LRRC4C: variants seen among roughly 807,000 people sequenced by gnomAD.
The protein encoded by LRRC4C is leucine rich repeat containing 4C, also known as leucine-rich repeat-containing protein 4C.
A neutral mutation model predicts 33.6 loss-of-function variants in LRRC4C; 5 were observed. The observed-to-expected ratio is 0.15, with a 90% CI of 0.08 to 0.31. LRRC4C has a LOEUF of 0.31. LRRC4C is among the 10% of genes least tolerant of loss of function. The pLI, the probability that LRRC4C is intolerant of heterozygous loss-of-function variation, is 1.00. For missense variants in LRRC4C, 560 were observed against 796.7 expected, an observed-to-expected ratio of 0.70 and a Z score of 3.58; for synonymous variants, 329 against 302.0, an observed-to-expected ratio of 1.09 and a Z score of -0.93.
intron 5 of LRRC4C, among the ~76,000 whole-genome samples, chr11:40,193,057 G>A (rs1213572496): frequency 6.6e-6 from 1 of 152,166 alleles, no homozygotes; most frequent in Non-Finnish European, 1.5e-5. Flanking sequence ...CCGTATGCTG[G>A]CTCTGAAGAG....
intron 5 of LRRC4C, among the ~76,000 whole-genome samples, chr11:40,171,819 C>G (rs4373904): frequency 0.38 from 57,622 of 151,994 alleles, 12,033 homozygotes; most frequent in Non-Finnish European, 0.48. Flanking sequence ...AATTATCTTT[C>G]CGTACCACCA....
intron 1 of LRRC4C, among the ~76,000 whole-genome samples, chr11:41,002,312 G>A (rs1479083591): frequency 3.3e-5 from 5 of 152,068 alleles, no homozygotes; most frequent in Non-Finnish European, 7.4e-5. Context: ...TAAACTTAAG[G>A]CCATTGTGTT....
chr11:40,161,404 G>C (rs372894828), intron 5 of LRRC4C, among the ~76,000 whole-genome samples: 1 of 152,166 alleles, frequency 6.6e-6, no homozygotes, highest in Non-Finnish European at 1.5e-5. Flanking sequence ...TATTTTTAAA[G>C]TATCTGGTAT....
In LRRC4C at chr11:40,729,782, C is replaced by T. The variant is rs74594057; in HGVS notation, c.-406-81504G>A. 1.8e-3 allele frequency among the ~76,000 whole-genome samples: 279 copies of T among 152,118 alleles called. 2 individuals carry two copies. The highest frequency in any genetic ancestry group is 6.5e-3 in the African/African-American group (268 of 41,520). On this transcript the variant is annotated intron_variant, in intron 2 of 6. Transcript: ENST00000528697. ...ACACGATCATTCATAGTAGATAAAC[C>T]TATGTTTTTTATAATGGTAGAATCA...
In LRRC4C at chr11:41,272,891, C is replaced by A. The variant is rs533359653; in HGVS notation, c.-496+186540G>T. Among the ~76,000 whole-genome samples, 3 of 152,200 alleles carry A rather than the reference C, an allele frequency of 2.0e-5. No homozygotes were observed. In the South Asian group the frequency reaches 6.2e-4, roughly 32 times the overall value. ...ATTTAATTCTCAAGAATATCTGTGA[C>A]CAGCTGCATGAAGCAATTAAGAGTC... is the stretch of plus-strand genomic sequence containing the variant. On this transcript the variant is annotated intron_variant, in intron 1 of 6. Coordinates refer to ENST00000528697, the MANE Select transcript of LRRC4C (RefSeq NM_001258419.2).
intron 5 of LRRC4C, among the ~76,000 whole-genome samples, chr11:40,224,290 A>G (rs1451701943): frequency 6.6e-6 from 1 of 152,186 alleles, no homozygotes; most frequent in Non-Finnish European, 1.5e-5. Flanking sequence ...CCTAGCATTT[A>G]TATCTTTTAT....
At chr11:40,596,561 A>T (rs1959326755) in intron 3 of LRRC4C, among the ~76,000 whole-genome samples, 2 of 152,048 alleles carry the variant, frequency 1.3e-5, no homozygotes, top group South Asian at 4.2e-4. Context: ...ATTCTACCTA[A>T]GCATATTTTT....
intron 1 of LRRC4C, among the ~76,000 whole-genome samples, chr11:41,094,637 T>C (rs554001778): frequency 6.6e-6 from 1 of 152,354 alleles, no homozygotes; most frequent in Admixed American, 6.5e-5. Flanking sequence ...TTCTTCATAA[T>C]ACTCACTGTT....
intron 1 of LRRC4C, among the ~76,000 whole-genome samples, chr11:41,057,036 G>A (rs1360037332): frequency 6.6e-6 from 1 of 152,206 alleles, no homozygotes; most frequent in Non-Finnish European, 1.5e-5. Flanking sequence ...AGAGCAGGCA[G>A]GAGCCCCACC....
intron 3 of LRRC4C, among the ~76,000 whole-genome samples, chr11:40,522,851 C>T (rs1046451674): frequency 2.6e-5 from 4 of 152,126 alleles, no homozygotes; most frequent in Non-Finnish European, 4.4e-5. Context: ...TCTTCAAGTT[C>T]CATCATGTTA....
chr11:41,370,465 C>T (rs1448108472), intron 1 of LRRC4C, among the ~76,000 whole-genome samples: 3 of 152,136 alleles, frequency 2.0e-5, no homozygotes, highest in African/African-American at 7.2e-5. Flanking sequence ...GCGGCTCCCC[C>T]CATACTGCTC....
chr11:40,957,294 G>A (rs1295514002), intron 1 of LRRC4C, among the ~76,000 whole-genome samples: 9 of 151,668 alleles, frequency 5.9e-5, no homozygotes, highest in African/African-American at 1.7e-4. Flanking sequence ...GGTGACAGGC[G>A]GGCTAGTATC....
intron 1 of LRRC4C, among the ~76,000 whole-genome samples, chr11:41,262,607 G>T (rs1949019256): frequency 6.6e-6 from 1 of 151,970 alleles, no homozygotes; most frequent in Non-Finnish European, 1.5e-5. Flanking sequence ...CTATATCCAA[G>T]AAAACATCTA....
At chr11:41,018,918 T>A (rs1030811359) in intron 1 of LRRC4C, among the ~76,000 whole-genome samples, 8 of 152,150 alleles carry the variant, frequency 5.3e-5, no homozygotes, top group African/African-American at 1.7e-4. Flanking sequence ...CTGTAAAATT[T>A]ACCCTTTTTA....
chr11:40,981,352 T>C (rs891939411), intron 1 of LRRC4C, among the ~76,000 whole-genome samples: 5 of 151,532 alleles, frequency 3.3e-5, no homozygotes, highest in Non-Finnish European at 7.4e-5. Context: ...AGGCGGAGCT[T>C]GCAGTGAGCA....
intron 5 of LRRC4C, among the ~76,000 whole-genome samples, chr11:40,217,719 T>C (rs1400332509): frequency 6.6e-6 from 1 of 152,182 alleles, no homozygotes; most frequent in African/African-American, 2.4e-5. Flanking sequence ...TGACTGTTTT[T>C]AAGCCTCAGC....
At chr11:40,498,354 T>G (rs565893355) in intron 3 of LRRC4C, among the ~76,000 whole-genome samples, 4 of 152,218 alleles carry the variant, frequency 2.6e-5, no homozygotes, top group Non-Finnish European at 5.9e-5. Context: ...TGTGCACCAT[T>G]ACTCCTACAC....
At chr11:41,166,685 A>G (rs990622882) in intron 1 of LRRC4C, among the ~76,000 whole-genome samples, 1 of 152,186 alleles carries the variant, frequency 6.6e-6, no homozygotes, top group Non-Finnish European at 1.5e-5. Flanking sequence ...GGGCTAAAGA[A>G]TTACTCAAAA....
At chr11:40,620,846 G>C (rs770278336) in intron 3 of LRRC4C, among the ~76,000 whole-genome samples, 8 of 151,776 alleles carry the variant, frequency 5.3e-5, no homozygotes, top group Non-Finnish European at 8.9e-5. Flanking sequence ...AATAATATCT[G>C]AATCTTTGCA....
Sources: allele counts gnomAD v4.1 joint callset (sites outside exome capture counted in the v4.1 genomes callset), GRCh38; gene constraint gnomAD v4.1.1; transcripts MANE v1.5; gene names NCBI Gene and HGNC (gene_info 2026-07-23, HGNC 2026-07-21).